The following RELB variants were observed in gnomAD, a reference collection of about 807,000 sequenced individuals.
RELB encodes transcription factor RelB.
Under a neutral mutation model 55.4 loss-of-function variants are expected in RELB, and 14 were observed. That is an observed-to-expected ratio of 0.25 (90% confidence interval 0.17 to 0.40). The LOEUF (loss-of-function observed/expected upper bound fraction) is 0.40, where lower values mean the gene tolerates loss of function less well. Ranked by LOEUF, RELB falls within the 10% of genes least tolerant of loss-of-function variation. RELB has a pLI of 1.00. For missense variants in RELB, 669 were observed against 830.7 expected (o/e 0.81, Z 2.39); for synonymous variants, 409 against 371.3 (o/e 1.10, Z -1.17).
chr19:45,028,798 G>A (rs1352125782), intron 7 of RELB, 90 bp from the exon 8 acceptor site: 4 of 1,008,730 alleles, frequency 4.0e-6, no homozygotes, highest in Non-Finnish European at 6.0e-6. Flanking sequence ...AGGGCCCCGG[G>A]GATGGCACCC....
At chr19:45,023,831 A>G (rs1396653885) in intron 5 of RELB, among the ~76,000 whole-genome samples, 1 of 137,162 alleles carries the variant, frequency 7.3e-6, no homozygotes, top group Non-Finnish European at 1.5e-5. Context: ...GCTCACTGCA[A>G]TCTCTGCCTC....
At chr19:45,019,869 G>T (rs28697575) in intron 4 of RELB, among the ~76,000 whole-genome samples, 16,019 of 151,872 alleles carry the variant, frequency 0.11, 1,120 homozygotes, top group East Asian at 0.24. Context: ...TAGAGACGGT[G>T]TTTCTCCATG....
At chr19:45,029,632 C>A (rs1971597879) in intron 8 of RELB, among the ~76,000 whole-genome samples, 1 of 151,748 alleles carries the variant, frequency 6.6e-6, no homozygotes, top group Admixed American at 6.6e-5. Context: ...GGCGGATCAC[C>A]TGAGGTCAGG....
In RELB at chr19:45,025,395, T is replaced by C. The variant is rs1260601830; in HGVS notation, c.729T>C (p.Ile243=). The change falls in exon 6 of 12, where the codon ATT becomes ATC. Residue 243 remains isoleucine (I), a synonymous_variant. Transcript: ENST00000221452. ...TTGAGGCTGCCATTGAGCGGAAGATTCAACTGGGCATTGACCCCTACAACG... is the reference window on the plus strand; with the variant it reads ...TTGAGGCTGCCATTGAGCGGAAGATCCAACTGGGCATTGACCCCTACAACG... The part of the protein sequence containing the change: ...KEIEAAIERK[I]QLGIDPYNAG... The C allele has an allele frequency of 1.2e-6, 2 of 1,612,504 alleles. No individual in the cohort carries two copies. Among genetic ancestry groups the C allele is most frequent in the African/African-American group, 2.7e-5 (2 of 74,862 alleles).
intron 8 of RELB, among the ~76,000 whole-genome samples, chr19:45,029,806 C>T (rs1182274764): frequency 3.3e-5 from 5 of 151,764 alleles, no homozygotes; most frequent in African/African-American, 4.8e-5. Context: ...GCCGAGATCA[C>T]GCCTCTGCAC....
chr19:45,018,482 G>A (rs1971446635), intron 4 of RELB, among the ~76,000 whole-genome samples: 1 of 71,708 alleles, frequency 1.4e-5, no homozygotes, highest in Non-Finnish European at 2.6e-5. Context: ...TACTTAGAAG[G>A]TAGAGACGAG....
chr19:45,036,290 C>G (rs1166737296), intron 11 of RELB, among the ~76,000 whole-genome samples: 1 of 152,154 alleles, frequency 6.6e-6, no homozygotes, highest in Non-Finnish European at 1.5e-5. Context: ...CCGGGCTGGT[C>G]TTGAACTTCT....
intron 2 of RELB, among the ~76,000 whole-genome samples, chr19:45,004,603 C>T (rs886319504): frequency 6.6e-6 from 1 of 151,670 alleles, no homozygotes; most frequent in Non-Finnish European, 1.5e-5. Context: ...TGTGGTGGCT[C>T]ATGCCTGTAA....
Position 45,009,817 on chromosome 19 carries a change from A to G in RELB, c.158A>G (p.Glu53Gly). The part of the protein sequence containing the change: ...LSLAVSRSTD[E>G]LEIIDEYIKE... ...TCTCTTTCTCTTCCTTCCACAGATGAATTGGGTGAGTATCACAGGGCAGGT... is the reference window on the plus strand; with the variant it reads ...TCTCTTTCTCTTCCTTCCACAGATGGATTGGGTGAGTATCACAGGGCAGGT... Residue 53 changes from glutamate (E) to glycine (G), a missense_variant, in exon 3 of 12, where the codon GAA (glutamate) becomes GGA (glycine). By Grantham distance (98) the Glu-to-Gly change is moderately conservative. Transcript: ENST00000221452. The G allele has an allele frequency of 6.3e-7, 1 of 1,598,962 alleles. No homozygotes were observed. Among genetic ancestry groups the G allele is most frequent in the Non-Finnish European group, 8.5e-7 (1 of 1,179,590 alleles).
intron 5 of RELB, among the ~76,000 whole-genome samples, chr19:45,023,740 C>CTTTTTT (rs1168078618): frequency 5.2e-5 from 2 of 38,362 alleles, no homozygotes; most frequent in African/African-American, 1.0e-4. Flanking sequence ...TGCCCAGCCT[C>CTTTTTT]TTTTTTTTTT....
chr19:45,010,442 C>T (rs940357532), intron 3 of RELB, among the ~76,000 whole-genome samples: 1 of 151,522 alleles, frequency 6.6e-6, no homozygotes, highest in South Asian at 2.1e-4. Flanking sequence ...AGCTGATAGC[C>T]CGGTGTGGGA....
rs774779724 is a variant in RELB, at chr19:45,022,193, C to T, written c.645C>T (p.His215=). Residue 215 remains histidine, a synonymous_variant, in exon 5 of 12, where the codon CAC becomes CAT. Coordinates refer to ENST00000221452, the MANE Select transcript of RELB (RefSeq NM_006509.4). ...DGICRVRLRP[H]VSPRHSFNNL... ...TCTGCAGGGTGCGGCTCCGGCCTCA[C>T]GTCAGCCCCCGGCACAGGTACCCAC... 40 of 1,603,826 alleles carry T rather than the reference C, an allele frequency of 2.5e-5. No individual in the cohort carries two copies. The Middle Eastern group carries it at 6.6e-4, about 26-fold the overall frequency.
At position 45,025,746 on chromosome 19, in the gene RELB, A is replaced by G. The variant is rs367857712; in HGVS notation, c.886+9A>G. On this transcript the variant is annotated intron_variant, in intron 7 of 11. Transcript: ENST00000221452. The stretch of plus-strand genomic sequence containing the variant: ...GCCCGTCTATGACAAGAGTGAGTTG[A>G]GAGTGCTGTGGCCGTTAGGATTGCC... The G allele has an allele frequency of 1.5e-5, 25 of 1,613,852 alleles. No homozygotes were observed. The highest frequency in any genetic ancestry group is 2.1e-5 in the Non-Finnish European group (25 of 1,179,810).
intron 2 of RELB, among the ~76,000 whole-genome samples, chr19:45,008,004 A>C (rs1971304091): frequency 7.1e-6 from 1 of 141,442 alleles, no homozygotes; most frequent in Admixed American, 7.0e-5. Flanking sequence ...AAAATACAAA[A>C]AAAAAAAAAA....
chr19:45,012,270 C>T lies in RELB; in HGVS notation c.498C>T (p.Ala166=). The stretch of plus-strand genomic sequence containing the variant: ...CCGAGGCCAGCAAGACGCTGCCCGC[C>T]ATCGAGGTGGGCCCGGCGAGCGGCC... The part of the protein sequence containing the change: ...SSTEASKTLP[A]IELRDCGGLR... Residue 166 remains alanine (A), a synonymous_variant, in exon 4 of 12, where the codon GCC becomes GCT. Coordinates refer to ENST00000221452, the MANE Select transcript of RELB (RefSeq NM_006509.4). 2 of 1,409,678 alleles carry T rather than the reference C, an allele frequency of 1.4e-6. No homozygotes were observed. Among genetic ancestry groups the T allele is most frequent in the Non-Finnish European group, 9.2e-7 (1 of 1,088,810 alleles). The allele number at this position is 1,409,678 out of a possible 1,614,324, so 87.3% of individuals were successfully genotyped here.
At chr19:45,002,695 C>T (rs1971228765) in intron 1 of RELB, among the ~76,000 whole-genome samples, 1 of 152,074 alleles carries the variant, frequency 6.6e-6, no homozygotes, top group Non-Finnish European at 1.5e-5. Context: ...GGGTCCCCTC[C>T]AGGCCCAACT....
intron 2 of RELB, among the ~76,000 whole-genome samples, chr19:45,004,292 G>T (rs551064319): frequency 2.1e-5 from 3 of 144,128 alleles, no homozygotes. Flanking sequence ...GCGCGATCTC[G>T]GCTCACTGCA....
intron 7 of RELB, among the ~76,000 whole-genome samples, chr19:45,028,166 G>A (rs1052072611): frequency 6.6e-6 from 1 of 151,946 alleles, no homozygotes; most frequent in Non-Finnish European, 1.5e-5. Flanking sequence ...TTACAGGTGT[G>A]AGCCATCATG....
intron 1 of RELB, among the ~76,000 whole-genome samples, chr19:45,002,315 G>A (rs958178650): frequency 1.3e-5 from 2 of 152,188 alleles, no homozygotes; most frequent in African/African-American, 4.8e-5. Context: ...AATTAAAAGT[G>A]GTCTGACCCT....
Sources: gnomAD v4.1 joint callset for allele counts (sites outside exome capture counted in the v4.1 genomes callset) on GRCh38, gnomAD v4.1.1 for gene constraint, MANE v1.5 for transcripts, NCBI Gene and HGNC (gene_info 2026-07-23, HGNC 2026-07-21) for gene names.